TENM2: variants seen among roughly 807,000 people sequenced by gnomAD.
The protein encoded by TENM2 is teneurin transmembrane protein 2, also known as teneurin-2.
Under a neutral mutation model 245.2 loss-of-function variants are expected in TENM2, and 52 were observed. The ratio of observed to expected loss-of-function variants is 0.21; its 90% confidence interval spans 0.17 to 0.27. The LOEUF is 0.27. Among genes scored for constraint, TENM2 ranks in the 10% least tolerant of loss-of-function variants. The probability of loss-of-function intolerance (pLI) is 1.00; values close to 1 mark genes in which losing one functional copy is unlikely to be tolerated. For synonymous variants in TENM2, 1,363 were observed against 1,438.9 expected (o/e 0.95, Z 1.19); for missense variants, 3,046 against 3,666.8 (o/e 0.83, Z 4.37).
intron 2 of TENM2, among the ~76,000 whole-genome samples, chr5:167,541,969 A>G (rs1313553748): frequency 3.3e-5 from 5 of 152,162 alleles, no homozygotes; most frequent in East Asian, 3.9e-4. Context: ...ATCAATGGTC[A>G]TTGACTAAAT....
chr5:167,101,956 T>G, the TENM2 span, among the ~76,000 whole-genome samples: 1 of 137,968 alleles, frequency 7.2e-6, no homozygotes, highest in Non-Finnish European at 1.5e-5. Flanking sequence ...TTTTTTTTGG[T>G]GGATCATGCC....
the TENM2 span, among the ~76,000 whole-genome samples, chr5:167,162,045 A>C: frequency 6.6e-6 from 1 of 151,960 alleles, no homozygotes; most frequent in Non-Finnish European, 1.5e-5. Context: ...ACGTACCTGT[A>C]GTCCCAGCTA....
chr5:167,366,303 T>G (rs1760051117), intron 1 of TENM2, among the ~76,000 whole-genome samples: 2 of 152,270 alleles, frequency 1.3e-5, no homozygotes, highest in Admixed American at 6.5e-5. Context: ...CCTAGAAAAT[T>G]TATTGTTCCT....
intron 2 of TENM2, among the ~76,000 whole-genome samples, chr5:167,784,560 C>A (rs1199359279): frequency 6.6e-6 from 1 of 152,132 alleles, no homozygotes; most frequent in Non-Finnish European, 1.5e-5. Context: ...ATAGTTCCTG[C>A]CTTCTGGGTG....
intron 5 of TENM2, among the ~76,000 whole-genome samples, chr5:168,036,535 C>G (rs543733389): frequency 1.3e-5 from 2 of 151,374 alleles, no homozygotes; most frequent in South Asian, 4.2e-4. Flanking sequence ...ACTTGGGAGG[C>G]TGAGGCTAGA....
chr5:167,562,717 G>A (rs1773671539), intron 2 of TENM2, among the ~76,000 whole-genome samples: 1 of 152,136 alleles, frequency 6.6e-6, no homozygotes, highest in South Asian at 2.1e-4. Flanking sequence ...AGCATTTTGG[G>A]AGGCTGAGGC....
intron 2 of TENM2, among the ~76,000 whole-genome samples, chr5:167,537,613 A>G (rs1202476216): frequency 1.3e-5 from 2 of 152,244 alleles, no homozygotes; most frequent in Admixed American, 1.3e-4. Context: ...AAGACCTTCA[A>G]CAAAAGTCAT....
At chr5:167,655,335 G>A (rs1465683748) in intron 2 of TENM2, among the ~76,000 whole-genome samples, 1 of 152,100 alleles carries the variant, frequency 6.6e-6, no homozygotes, top group Non-Finnish European at 1.5e-5. Flanking sequence ...CTAAATTTTT[G>A]TCATTGCATT....
intron 4 of TENM2, among the ~76,000 whole-genome samples, chr5:167,960,864 T>C (rs926759853): frequency 4.6e-5 from 7 of 152,238 alleles, no homozygotes; most frequent in African/African-American, 1.4e-4. Context: ...CTGTGGGTTG[T>C]TAAGACAGTG....
chr5:168,231,327 A>G (rs983128551), intron 25 of TENM2, among the ~76,000 whole-genome samples: 4 of 152,242 alleles, frequency 2.6e-5, no homozygotes, highest in Non-Finnish European at 4.4e-5. Context: ...ATTTCTGTAG[A>G]GTAGTAAGAA....
At chr5:167,032,525 G>A in the TENM2 span, among the ~76,000 whole-genome samples, 18 of 152,276 alleles carry the variant, frequency 1.2e-4, no homozygotes, top group Non-Finnish European at 1.0e-4. Flanking sequence ...AAGTCAGCTC[G>A]GAAGGTCACT....
At chr5:168,139,511 G>A in intron 12 of TENM2, 1 of 456,502 alleles carries the variant, frequency 2.2e-6, no homozygotes, top group Non-Finnish European at 4.4e-6. Context: ...AGAAGTGAGA[G>A]AAACCAGTTC....
intron 2 of TENM2, among the ~76,000 whole-genome samples, chr5:167,569,458 A>G (rs900841785): frequency 6.6e-6 from 1 of 152,140 alleles, no homozygotes; most frequent in Admixed American, 6.5e-5. Context: ...GTAATAATAA[A>G]CCAATGTGGC....
chr5:167,131,679 C>T, the TENM2 span, among the ~76,000 whole-genome samples: 1 of 151,966 alleles, frequency 6.6e-6, no homozygotes, highest in African/African-American at 2.4e-5. Flanking sequence ...AAATGTCACC[C>T]CATTTTTACT....
chr5:167,835,051 CT>C (rs1161469741), intron 2 of TENM2, among the ~76,000 whole-genome samples: 3 of 152,168 alleles, frequency 2.0e-5, no homozygotes, highest in African/African-American at 7.2e-5. Context: ...CGCACTGCCC[CT>C]GAGCATGGTA....
chr5:168,181,523 C>T (rs1376952348), intron 13 of TENM2, among the ~76,000 whole-genome samples: 2 of 152,150 alleles, frequency 1.3e-5, no homozygotes, highest in African/African-American at 4.8e-5. Flanking sequence ...TCTTCCATGA[C>T]TAAGTCATAA....
At chr5:167,667,163 G>A (rs771744817) in intron 2 of TENM2, among the ~76,000 whole-genome samples, 8 of 152,150 alleles carry the variant, frequency 5.3e-5, no homozygotes, top group Non-Finnish European at 1.0e-4. Flanking sequence ...GCTCAATACT[G>A]AACTAAAACT....
intron 2 of TENM2, among the ~76,000 whole-genome samples, chr5:167,778,461 G>A (rs540547266): frequency 6.6e-6 from 1 of 152,292 alleles, no homozygotes; most frequent in East Asian, 1.9e-4. Context: ...ACAGTGGTAT[G>A]CACAGGGATT....
chr5:167,140,390 T>C, the TENM2 span, among the ~76,000 whole-genome samples: 5 of 152,142 alleles, frequency 3.3e-5, no homozygotes, highest in Non-Finnish European at 5.9e-5. Flanking sequence ...TCTTATTCAT[T>C]CACTCATTTT....
Sources: gnomAD v4.1 joint callset for allele counts (sites outside exome capture counted in the v4.1 genomes callset) on GRCh38, gnomAD v4.1.1 for gene constraint, MANE v1.5 for transcripts, NCBI Gene and HGNC (gene_info 2026-07-23, HGNC 2026-07-21) for gene names.